MCOLN2: variants seen among roughly 807,000 people sequenced by gnomAD.
MCOLN2 encodes mucolipin-2.
MCOLN2 carries 57 observed loss-of-function variants against 67.5 expected under a neutral mutation model. The observed-to-expected ratio is 0.84, with a 90% CI of 0.68 to 1.05. MCOLN2 has a LOEUF of 1.05. Ranked by LOEUF, MCOLN2 falls within the 50% of genes least tolerant of loss-of-function variation. The pLI, the probability that MCOLN2 is intolerant of heterozygous loss-of-function variation, is 0.00. For missense variants in MCOLN2, 620 were observed against 678.8 expected (o/e 0.91, Z 0.96); for synonymous variants, 246 against 233.3 (o/e 1.05, Z -0.50).
chr1:84,965,113 G>A (rs933695038), intron 2 of MCOLN2, among the ~76,000 whole-genome samples: 3 of 152,162 alleles, frequency 2.0e-5, no homozygotes, highest in African/African-American at 4.8e-5. Flanking sequence ...TGTAGCTTTT[G>A]TATAATCCTG....
rs1647986125 is a variant in MCOLN2, at chr1:84,944,557, A to AAAG, written c.847+2475_847+2476insCTT. On this transcript the variant is annotated intron_variant, in intron 7 of 13. Transcript: ENST00000370608. Reference sequence around the variant, plus strand: ...AAAAAGAAAGAAAGAAAGAAAGAAAAAAAACATCTATATCACCCATCACTG... The same window carrying AAAG: ...AAAAAGAAAGAAAGAAAGAAAGAAAAAAGAAAACATCTATATCACCCATCACTG... Among the ~76,000 whole-genome samples, 4 of 151,838 alleles carry AAAG rather than the reference A, an allele frequency of 2.6e-5. No individual in the cohort carries two copies. In the Admixed American group the frequency reaches 2.6e-4, roughly 10 times the overall value.
intron 13 of MCOLN2, among the ~76,000 whole-genome samples, chr1:84,927,556 T>C (rs879261130): frequency 2.0e-5 from 3 of 152,230 alleles, no homozygotes; most frequent in East Asian, 1.9e-4. Context: ...CTAGAGGCTC[T>C]GTCAAAAACT....
intron 1 of MCOLN2, among the ~76,000 whole-genome samples, chr1:84,981,003 C>T (rs1650226287): frequency 6.6e-6 from 1 of 152,100 alleles, no homozygotes; most frequent in Non-Finnish European, 1.5e-5. Flanking sequence ...TGAATAGACT[C>T]GTTATGTCTC....
intron 2 of MCOLN2, among the ~76,000 whole-genome samples, chr1:84,963,161 T>C (rs892150472): frequency 3.3e-5 from 5 of 152,186 alleles, no homozygotes; most frequent in Non-Finnish European, 7.3e-5. Context: ...TTTGCTCCAG[T>C]TTCTTCATCC....
At chr1:84,932,134 T>C (rs944527559) in intron 11 of MCOLN2, among the ~76,000 whole-genome samples, 1 of 151,646 alleles carries the variant, frequency 6.6e-6, no homozygotes, top group African/African-American at 2.4e-5. Flanking sequence ...AAAACCAGGA[T>C]CTAACAAGTT....
chr1:84,955,274 C>T (rs528459353), intron 4 of MCOLN2, among the ~76,000 whole-genome samples: 37 of 152,194 alleles, frequency 2.4e-4, no homozygotes, highest in African/African-American at 6.7e-4. Context: ...TAAATTATTG[C>T]GTATGTCTTT....
Position 84,938,099 on chromosome 1 carries a change from A to C in MCOLN2, c.1111-17T>G. ...TGTGAGATTCTAAGGAATGAAAAAAAAGAAAGAGAGAAATGAGTAAAATAT... is the reference window on the plus strand; with the variant it reads ...TGTGAGATTCTAAGGAATGAAAAAACAGAAAGAGAGAAATGAGTAAAATAT... On this transcript the variant is annotated splice_polypyrimidine_tract_variant and intron_variant, in intron 9 of 13. Coordinates refer to ENST00000370608, the MANE Select transcript of MCOLN2 (RefSeq NM_153259.4). 1 of 1,571,124 alleles carries C rather than the reference A, an allele frequency of 6.4e-7. No individual in the cohort carries two copies. Among genetic ancestry groups the C allele is most frequent in the Non-Finnish European group, 8.7e-7 (1 of 1,147,562 alleles).
In MCOLN2 at chr1:84,982,220, G is replaced by A. The variant is rs143660704; in HGVS notation, c.77+14576C>T. ...TGAGGTGCATGGCTCTAAATATATA[G>A]TACCATAAGATATTTGCTAATGACA... On this transcript the variant is annotated intron_variant, in intron 1 of 13. Transcript: ENST00000370608. Among the ~76,000 whole-genome samples, 431 of 151,996 alleles carry A rather than the reference G, an allele frequency of 2.8e-3. 1 individual carries two copies. Among genetic ancestry groups the A allele is most frequent in the African/African-American group, 1.0e-2 (414 of 41,494 alleles).
chr1:84,979,359 G>C (rs1297976620), intron 1 of MCOLN2, among the ~76,000 whole-genome samples: 1 of 151,976 alleles, frequency 6.6e-6, no homozygotes, highest in African/African-American at 2.4e-5. Context: ...ATCAAAACCA[G>C]ACAAAGACAC....
At chr1:84,957,016 C>T (rs1648831438) in intron 3 of MCOLN2, among the ~76,000 whole-genome samples, 1 of 152,182 alleles carries the variant, frequency 6.6e-6, no homozygotes, top group South Asian at 2.1e-4. Flanking sequence ...CAATTCCGCA[C>T]CTCAATGAGG....
In MCOLN2 at chr1:84,926,792, T is replaced by C; in HGVS notation, c.1665-71A>G. On this transcript the variant is annotated intron_variant, in intron 13 of 13. Coordinates refer to ENST00000370608, the MANE Select transcript of MCOLN2 (RefSeq NM_153259.4). ...TAACATCTTTGAGGAGCAATAGGAA[T>C]ACTCTATATTCTAGGCCCGTAGATT... 3 of 1,199,060 alleles carry C rather than the reference T, an allele frequency of 2.5e-6. No individual in the cohort carries two copies. In the South Asian group the frequency reaches 4.7e-5, roughly 19 times the overall value. The allele number at this position is 1,199,060 out of a possible 1,614,324, so 74.3% of individuals were successfully genotyped here.
chr1:84,964,465 T>C (rs1649262970), intron 2 of MCOLN2, among the ~76,000 whole-genome samples: 1 of 146,894 alleles, frequency 6.8e-6, no homozygotes, highest in Non-Finnish European at 1.5e-5. Context: ...CCCAACCTTG[T>C]TGGCACCAGG....
intron 13 of MCOLN2, 134 bp downstream of exon 13, chr1:84,929,424 A>G: frequency 9.8e-7 from 1 of 1,016,976 alleles, no homozygotes. Context: ...TTTCAGTGGG[A>G]GGAAAGAAAA....
chr1:84,937,611 A>G, intron 11 of MCOLN2, 144 bp downstream of exon 11: 1 of 1,432,570 alleles, frequency 7.0e-7, no homozygotes, highest in Non-Finnish European at 9.2e-7. Context: ...GGAAAAAAAG[A>G]AAAAGAAAAC....
chr1:84,947,096 T>A lies in MCOLN2; in HGVS notation c.784A>T (p.Lys262Ter). The change falls in exon 7 of 14, where the codon AAA (lysine) becomes TAA (stop). Residue 262 changes from lysine to a stop codon, truncating the protein, a stop_gained. Coordinates refer to ENST00000370608, the MANE Select transcript of MCOLN2 (RefSeq NM_153259.4). LOFTEE classifies it high-confidence loss of function. Reference protein sequence around the residue: ...FDNKAHSGKIKIYFDSDAKIE... With the variant: ...FDNKAHSGKI ...TTGGCATCACTGTCAAAATAGATTTTGATTTTGCCACTGTGAGCTTTATTG... is the reference window on the plus strand; with the variant it reads ...TTGGCATCACTGTCAAAATAGATTTAGATTTTGCCACTGTGAGCTTTATTG... 6.2e-7 allele frequency: 1 copy of A among 1,602,372 alleles called. No individual in the cohort carries two copies. Among genetic ancestry groups the A allele is most frequent in the South Asian group, 1.1e-5 (1 of 90,814 alleles).
At position 84,951,013 on chromosome 1, in the gene MCOLN2, A is replaced by G. The variant is rs576180146; in HGVS notation, c.747+1230T>C. Among the ~76,000 whole-genome samples the G allele has an allele frequency of 1.2e-4, 18 of 152,322 alleles. No homozygotes were observed. The East Asian group carries it at 2.7e-3, about 23-fold the overall frequency. On this transcript the variant is annotated intron_variant, in intron 6 of 13. Coordinates refer to ENST00000370608, the MANE Select transcript of MCOLN2 (RefSeq NM_153259.4). The stretch of plus-strand genomic sequence containing the variant: ...AAGTCATCAATGACCTCATCCTTGC[A>G]GACCAAACTCCATGCTCCTCTCCTG...
In MCOLN2 at chr1:84,929,722, G is replaced by A. The variant is rs777273464; in HGVS notation, c.1543-43C>T. On this transcript the variant is annotated intron_variant, in intron 12 of 13. Transcript: ENST00000370608. ...TGTTGTTACCTTATTTATAAGGCAT[G>A]AGAAATTGCTCTTTTGTCAACAAAC... 17 of 1,581,914 alleles carry A rather than the reference G, an allele frequency of 1.1e-5. No homozygotes were observed. The East Asian group carries it at 3.4e-4, about 32-fold the overall frequency.
Position 84,996,393 on chromosome 1 carries a change from C to CATATATATATATATATAT in MCOLN2, c.77+385_77+402dup, listed in dbSNP as rs6143310. On this transcript the variant is annotated intron_variant, in intron 1 of 13. Coordinates refer to ENST00000370608, the MANE Select transcript of MCOLN2 (RefSeq NM_153259.4). ...CACACTTACACATACGTATATATTT[C>CATATATATATATATATAT]ATATATATATATATATATATATATA... 1.7e-3 allele frequency among the ~76,000 whole-genome samples: 209 copies of CATATATATATATATATAT among 123,814 alleles called. 1 individual carries two copies. Among genetic ancestry groups the CATATATATATATATATAT allele is most frequent in the African/African-American group, 2.5e-3 (72 of 28,894 alleles). The allele number at this position is 123,814 out of a possible 152,430, so 81.2% of individuals were successfully genotyped here.
chr1:84,951,109 G>A (rs1648405616), intron 6 of MCOLN2, among the ~76,000 whole-genome samples: 1 of 152,124 alleles, frequency 6.6e-6, no homozygotes, highest in African/African-American at 2.4e-5. Flanking sequence ...CTTGCAGCTG[G>A]AGACATTCTT....
Sources: allele counts gnomAD v4.1 joint callset (sites outside exome capture counted in the v4.1 genomes callset), GRCh38; gene constraint gnomAD v4.1.1; transcripts MANE v1.5; gene names NCBI Gene and HGNC (gene_info 2026-07-23, HGNC 2026-07-21).